The following GPC4 variants were observed in gnomAD, a reference collection of about 807,000 sequenced individuals.
GPC4 encodes glypican-4.
In GPC4, 10 loss-of-function variants were observed where a neutral mutation model predicts 35.0. That is an observed-to-expected ratio of 0.29 (90% confidence interval 0.18 to 0.48). The LOEUF is 0.48. GPC4 is among the 20% of genes least tolerant of loss of function. The probability of loss-of-function intolerance (pLI) is 0.99; values close to 1 mark genes in which losing one functional copy is unlikely to be tolerated. For synonymous variants in GPC4, 167 were observed against 170.2 expected (o/e 0.98, Z 0.15); for missense variants, 322 against 451.3 (o/e 0.71, Z 2.60).
Position 133,414,821 on chromosome X carries a change from G to T in GPC4, c.145C>A (p.Leu49Ile), listed in dbSNP as rs757244060. The change falls in exon 1 of 9, where the codon CTC becomes ATC. Residue 49 changes from leucine (L) to isoleucine (I), a missense_variant. Leu to Ile is a conservative substitution (Grantham distance 5). Coordinates refer to ENST00000370828, the MANE Select transcript of GPC4 (RefSeq NM_001448.3). Reference protein sequence around the residue: ...SKGFNKNDAPLHEINGDHLKI... With the variant: ...SKGFNKNDAPIHEINGDHLKI... ...GCCCACCTACCGTTGATCTCGTGGA[G>T]GGGGGCATCGTTCTTGTTGAAGCCT... 4 of 1,211,654 alleles carry T rather than the reference G, an allele frequency of 3.3e-6. No individual in the cohort carries two copies. The highest frequency in any genetic ancestry group is 4.5e-6 in the Non-Finnish European group (4 of 895,226).
intron 1 of GPC4, among the ~76,000 whole-genome samples, chrX:133,397,529 G>C (rs2068748918): frequency 9.2e-6 from 1 of 109,012 alleles, no homozygotes; most frequent in African/African-American, 3.3e-5. Context: ...TGCCCTCCAG[G>C]GTGGGTGACA....
At position 133,415,045 on chromosome X, in the gene GPC4, G is replaced by A. The variant is rs1205297399; in HGVS notation, c.-80C>T. 6 of 1,013,548 alleles carry A rather than the reference G, an allele frequency of 5.9e-6. No homozygotes were observed. The East Asian group carries it at 1.6e-4, about 27-fold the overall frequency. The allele number at this position is 1,013,548 out of a possible 1,213,427, so 83.5% of individuals were successfully genotyped here. A position where few individuals can be genotyped will look rare whatever the true frequency, so the allele number is the denominator to read the frequency against. On this transcript the variant is annotated 5_prime_UTR_variant, in exon 1 of 9. Coordinates refer to ENST00000370828, the MANE Select transcript of GPC4 (RefSeq NM_001448.3). ...CTACGGCAGCGGGCCGAGGGCTGGC[G>A]GAGTCGGGGACTAGCGAGTGGAGCT... is the stretch of plus-strand genomic sequence containing the variant.
At chrX:133,381,780 C>T (rs752966942) in intron 1 of GPC4, among the ~76,000 whole-genome samples, 8 of 112,403 alleles carry the variant, frequency 7.1e-5, no homozygotes, top group East Asian at 2.8e-4. Context: ...TTTCCCATAA[C>T]GCCTACTGTT....
chrX:133,376,959 G>A (rs1252352170), intron 1 of GPC4, among the ~76,000 whole-genome samples: 2 of 111,937 alleles, frequency 1.8e-5, no homozygotes, highest in Non-Finnish European at 3.8e-5. Context: ...AACTGGACAA[G>A]CAGAACAGCT....
intron 1 of GPC4, among the ~76,000 whole-genome samples, chrX:133,366,191 A>T (rs1322084725): frequency 3.6e-5 from 4 of 112,361 alleles, no homozygotes; most frequent in Non-Finnish European, 3.8e-5. Flanking sequence ...AGATCATAAT[A>T]TCAAGTTCCA....
At chrX:133,352,154 G>C (rs1319486725) in intron 1 of GPC4, among the ~76,000 whole-genome samples, 2 of 112,135 alleles carry the variant, frequency 1.8e-5, no homozygotes, top group African/African-American at 6.5e-5. Flanking sequence ...AAAGACAGGA[G>C]AGATGATGCT....
At chrX:133,345,908 A>G (rs1020389634) in intron 1 of GPC4, among the ~76,000 whole-genome samples, 2 of 112,204 alleles carry the variant, frequency 1.8e-5, no homozygotes, top group Non-Finnish European at 3.8e-5. Context: ...AGAATGAAAC[A>G]ACAAAAGCAG....
intron 1 of GPC4, among the ~76,000 whole-genome samples, chrX:133,376,595 C>G (rs1447347896): frequency 8.9e-6 from 1 of 112,334 alleles, no homozygotes; most frequent in African/African-American, 3.2e-5. Flanking sequence ...CTATAAAACA[C>G]AACCAGTTCA....
chrX:133,305,723 T>G (rs753115267), intron 6 of GPC4, 49 bp downstream of exon 6: 2 of 1,189,225 alleles, frequency 1.7e-6, no homozygotes, highest in South Asian at 3.7e-5. Context: ...TGAGCAAGAG[T>G]TTTCAGTTCT....
Position 133,381,169 on chromosome X carries a change from C to G in GPC4, c.160+33637G>C, listed in dbSNP as rs1036676020. 7.2e-5 allele frequency among the ~76,000 whole-genome samples: 8 copies of G among 111,767 alleles called. No homozygotes were observed. The South Asian group carries it at 2.3e-3, about 32-fold the overall frequency. ...CAGATACCAACACTTCTGGGCAGCA[C>G]ATACAAAGGAGATCATACGTGAGCA... On this transcript the variant is annotated intron_variant, in intron 1 of 8. Coordinates refer to ENST00000370828, the MANE Select transcript of GPC4 (RefSeq NM_001448.3).
chrX:133,394,002 G>A (rs995722582), intron 1 of GPC4, among the ~76,000 whole-genome samples: 1 of 111,478 alleles, frequency 9.0e-6, no homozygotes, highest in Non-Finnish European at 1.9e-5. Context: ...CGGGCACAGA[G>A]GCTCACACCT....
intron 1 of GPC4, among the ~76,000 whole-genome samples, chrX:133,376,344 G>A (rs949592096): frequency 8.9e-6 from 1 of 112,125 alleles, no homozygotes; most frequent in Non-Finnish European, 1.9e-5. Flanking sequence ...CTCACCAATG[G>A]CATTTTACAC....
intron 1 of GPC4, among the ~76,000 whole-genome samples, chrX:133,372,735 T>C (rs1299804458): frequency 1.8e-5 from 2 of 112,181 alleles, no homozygotes; most frequent in Non-Finnish European, 3.8e-5. Flanking sequence ...ATATTTTAGA[T>C]AGTTAGCTTT....
At chrX:133,341,201 A>G (rs1320838698) in intron 1 of GPC4, among the ~76,000 whole-genome samples, 6 of 111,771 alleles carry the variant, frequency 5.4e-5, no homozygotes, top group Non-Finnish European at 1.1e-4. Flanking sequence ...TAACACAGAA[A>G]GATTCAGTTG....
chrX:133,357,381 CA>C (rs1416254763), intron 1 of GPC4, among the ~76,000 whole-genome samples: 212 of 80,111 alleles, frequency 2.6e-3, no homozygotes, highest in Middle Eastern at 0.015. Context: ...AAGACTCTCT[CA>C]AAAAAAAAAA....
chrX:133,378,097 G>T (rs1412033550), intron 1 of GPC4, among the ~76,000 whole-genome samples: 1 of 108,961 alleles, frequency 9.2e-6, no homozygotes, highest in Non-Finnish European at 1.9e-5. Context: ...CATTGCCCAT[G>T]CTGGTCTCAA....
chrX:133,332,118 ACTT>A (rs2124127419), intron 2 of GPC4, among the ~76,000 whole-genome samples: 1 of 111,951 alleles, frequency 8.9e-6, no homozygotes, highest in South Asian at 3.7e-4. Context: ...TTATTTTAAA[ACTT>A]CACCAAAGCA....
chrX:133,373,993 T>G (rs1473927977), intron 1 of GPC4, among the ~76,000 whole-genome samples: 1 of 110,464 alleles, frequency 9.1e-6, no homozygotes. Flanking sequence ...TGGTACACAG[T>G]TAATTTGGGG....
At chrX:133,366,343 G>A (rs555160334) in intron 1 of GPC4, among the ~76,000 whole-genome samples, 1 of 111,781 alleles carries the variant, frequency 8.9e-6, no homozygotes, top group Admixed American at 9.6e-5. Context: ...TCTGCACACT[G>A]AATACTGTCT....
Sources: allele counts gnomAD v4.1 joint callset (sites outside exome capture counted in the v4.1 genomes callset), GRCh38; gene constraint gnomAD v4.1.1; transcripts MANE v1.5; gene names NCBI Gene and HGNC (gene_info 2026-07-23, HGNC 2026-07-21).